The following FBXL20 variants were observed in gnomAD, a reference collection of about 807,000 sequenced individuals.
FBXL20 encodes the protein F-box/LRR-repeat protein 20.
In FBXL20, 11 loss-of-function variants were observed where a neutral mutation model predicts 64.0. That is an observed-to-expected ratio of 0.17 (90% confidence interval 0.11 to 0.28). The LOEUF is 0.28. FBXL20 is among the 10% of genes least tolerant of loss of function. The probability of loss-of-function intolerance (pLI) is 1.00; values close to 1 mark genes in which losing one functional copy is unlikely to be tolerated. For missense variants in FBXL20, 303 were observed against 526.2 expected (o/e 0.58, Z 4.15); for synonymous variants, 184 against 189.0 (o/e 0.97, Z 0.22).
intron 2 of FBXL20, among the ~76,000 whole-genome samples, chr17:39,325,134 G>A (rs1320016620): frequency 6.6e-6 from 1 of 152,082 alleles, no homozygotes; most frequent in African/African-American, 2.4e-5. Context: ...CCTGACCCTG[G>A]GAAGCTGAGG....
At chr17:39,263,274 G>A (rs2046763571) in intron 14 of FBXL20, among the ~76,000 whole-genome samples, 1 of 152,200 alleles carries the variant, frequency 6.6e-6, no homozygotes, top group African/African-American at 2.4e-5. Context: ...CAGCACTTCT[G>A]AAGGCCAAGG....
intron 1 of FBXL20, among the ~76,000 whole-genome samples, chr17:39,379,616 C>A (rs1253610163): frequency 6.6e-6 from 1 of 151,486 alleles, no homozygotes; most frequent in Admixed American, 6.6e-5. Flanking sequence ...CTCTTTTCTA[C>A]TAAAAATAAA....
intron 1 of FBXL20, among the ~76,000 whole-genome samples, chr17:39,347,170 T>A (rs904512617): frequency 6.6e-6 from 1 of 152,204 alleles, no homozygotes; most frequent in South Asian, 2.1e-4. Flanking sequence ...TGTGTCTTTA[T>A]AGCAGCATGA....
chr17:39,368,468 C>T (rs2047883057), intron 1 of FBXL20, among the ~76,000 whole-genome samples: 1 of 152,176 alleles, frequency 6.6e-6, no homozygotes, highest in Non-Finnish European at 1.5e-5. Context: ...CAAGCCTCAT[C>T]TGTTTCTTAA....
At chr17:39,281,719 C>G (rs977463272) in intron 8 of FBXL20, among the ~76,000 whole-genome samples, 2 of 152,108 alleles carry the variant, frequency 1.3e-5, no homozygotes, top group African/African-American at 4.8e-5. Context: ...TAAACACTGC[C>G]TAGTTTTTAT....
At chr17:39,328,659 T>C (rs1166526272) in intron 2 of FBXL20, among the ~76,000 whole-genome samples, 1 of 152,144 alleles carries the variant, frequency 6.6e-6, no homozygotes, top group Non-Finnish European at 1.5e-5. Flanking sequence ...GAAGTAACGG[T>C]AAATTTAGAA....
chr17:39,289,662 A>AC (rs1225098614), intron 6 of FBXL20, among the ~76,000 whole-genome samples: 6 of 151,802 alleles, frequency 4.0e-5, no homozygotes, highest in African/African-American at 1.4e-4. Flanking sequence ...AAACAAACAA[A>AC]AAAAAAACCC....
chr17:39,285,935 T>A (rs931897233), intron 6 of FBXL20, among the ~76,000 whole-genome samples: 2 of 152,212 alleles, frequency 1.3e-5, no homozygotes, highest in Admixed American at 6.5e-5. Context: ...CCAGACGTAG[T>A]CAAACATGAA....
chr17:39,294,661 T>C (rs567931974), intron 6 of FBXL20, among the ~76,000 whole-genome samples: 1 of 152,326 alleles, frequency 6.6e-6, no homozygotes, highest in South Asian at 2.1e-4. Context: ...AATTTGAATA[T>C]TGACAACTGG....
intron 2 of FBXL20, among the ~76,000 whole-genome samples, chr17:39,330,861 C>T (rs1210306480): frequency 6.6e-6 from 1 of 152,150 alleles, no homozygotes; most frequent in Non-Finnish European, 1.5e-5. Context: ...ATCCAATTTA[C>T]AAAAGGAGTA....
At chr17:39,281,229 T>C (rs1351633135) in intron 9 of FBXL20, among the ~76,000 whole-genome samples, 160 bp downstream of exon 9, 2 of 152,196 alleles carry the variant, frequency 1.3e-5, no homozygotes, top group African/African-American at 2.4e-5. Context: ...GGAATGAGTA[T>C]TGTTAAGCAC....
At chr17:39,390,118 C>G (rs2048120754) in intron 1 of FBXL20, among the ~76,000 whole-genome samples, 1 of 152,062 alleles carries the variant, frequency 6.6e-6, no homozygotes, top group East Asian at 1.9e-4. Flanking sequence ...AATTCATAGG[C>G]ATTCCTGTTT....
chr17:39,324,023 C>CCACCCCCA (rs2047384636), intron 2 of FBXL20, among the ~76,000 whole-genome samples: 2 of 139,030 alleles, frequency 1.4e-5, no homozygotes, highest in African/African-American at 3.0e-5. Flanking sequence ...CTCCCCCCCC[C>CCACCCCCA]ACCCCCTGGC....
At chr17:39,331,307 G>A (rs2047458507) in intron 2 of FBXL20, among the ~76,000 whole-genome samples, 1 of 152,150 alleles carries the variant, frequency 6.6e-6, no homozygotes, top group African/African-American at 2.4e-5. Flanking sequence ...TACCATGTTA[G>A]TCAGGCTGGT....
At chr17:39,399,685 A>G (rs1449677739) in intron 1 of FBXL20, among the ~76,000 whole-genome samples, 1 of 152,240 alleles carries the variant, frequency 6.6e-6, no homozygotes, top group Non-Finnish European at 1.5e-5. Context: ...TACATCAGCT[A>G]CAAGTTAAAA....
intron 3 of FBXL20, among the ~76,000 whole-genome samples, chr17:39,302,672 C>T (rs1160901844): frequency 6.6e-6 from 1 of 152,098 alleles, no homozygotes; most frequent in Admixed American, 6.6e-5. Flanking sequence ...TGCACGCAGC[C>T]CTAATTTTTT....
intron 2 of FBXL20, among the ~76,000 whole-genome samples, chr17:39,306,408 T>C (rs754226439): frequency 2.0e-5 from 3 of 152,200 alleles, no homozygotes; most frequent in Non-Finnish European, 4.4e-5. Flanking sequence ...AAGAAATCAC[T>C]GCTAAACTCA....
chr17:39,263,410 G>C (rs2046765081), intron 14 of FBXL20, among the ~76,000 whole-genome samples: 2 of 152,180 alleles, frequency 1.3e-5, no homozygotes, highest in South Asian at 2.1e-4. Flanking sequence ...CAGCTGTTGG[G>C]AGGCTGGGGT....
intron 1 of FBXL20, among the ~76,000 whole-genome samples, chr17:39,354,166 TA>T (rs1317286148): frequency 6.6e-6 from 1 of 152,184 alleles, no homozygotes; most frequent in Non-Finnish European, 1.5e-5. Flanking sequence ...CATCTGTGTA[TA>T]AAATAAAGTT....
Sources: gnomAD v4.1 joint callset for allele counts (sites outside exome capture counted in the v4.1 genomes callset) on GRCh38, gnomAD v4.1.1 for gene constraint, MANE v1.5 for transcripts, NCBI Gene and HGNC (gene_info 2026-07-23, HGNC 2026-07-21) for gene names.